Variants in MYT1L observed in about 807,000 individuals in gnomAD.
MYT1L encodes myelin transcription factor 1 like, also known as myelin transcription factor 1-like protein.
MYT1L carries 12 observed loss-of-function variants against 126.7 expected under a neutral mutation model. That is an observed-to-expected ratio of 0.09 (90% CI 0.06 to 0.15). MYT1L has a LOEUF of 0.15. MYT1L is among the 10% of genes least tolerant of loss of function. The pLI, the probability that MYT1L is intolerant of heterozygous loss-of-function variation, is 1.00. For missense variants in MYT1L, 979 were observed against 1,585.2 expected, an observed-to-expected ratio of 0.62 and a Z score of 6.49; for synonymous variants, 541 against 604.2, an observed-to-expected ratio of 0.90 and a Z score of 1.53.
rs145084815 is a variant in MYT1L at position 2,301,414 on chromosome 2, C to T, written c.-520-16911G>A. ...CATCACTTTATTAGAAAGCATTCAA[C>T]TCACCTTTTTCAGCCTTATTATGTG... On this transcript the variant is annotated intron_variant, in intron 1 of 24. Transcript: ENST00000647738. 2.9e-3 allele frequency among the ~76,000 whole-genome samples: 437 copies of T among 152,300 alleles called. 4 individuals carry two copies. Among genetic ancestry groups the T allele is most frequent in the Middle Eastern group, 0.027 (8 of 294 alleles).
intron 8 of MYT1L, among the ~76,000 whole-genome samples, chr2:1,965,257 C>A (rs943372386): frequency 2.8e-5 from 4 of 144,878 alleles, no homozygotes; most frequent in Non-Finnish European, 6.0e-5. Flanking sequence ...AGGGACCAGG[C>A]AGGGAAGAGG....
rs553083381 is a variant in MYT1L, at chr2:1,922,497, G to A, written c.1272C>T (p.Phe424=). The change falls in exon 10 of 25, where the codon TTC becomes TTT. Residue 424 remains phenylalanine (F), a synonymous_variant. Coordinates refer to ENST00000647738, the MANE Select transcript of MYT1L (RefSeq NM_001303052.2). The surrounding 1 kb of genome is among the most constrained non-coding windows in gnomAD (Gnocchi z 7.4). ...GGGTCAGGTTCCCCTTGGTCATGTC[G>A]AACACCTCTTCAGACCTGTCCGAGT... ...SVNSDRSEEV[F]DMTKGNLTLL... is the part of the protein sequence containing the mutation. 7 of 1,613,678 alleles carry A rather than the reference G, an allele frequency of 4.3e-6. No individual in the cohort carries two copies. The highest frequency in any genetic ancestry group is 2.2e-5 in the South Asian group (2 of 91,060).
chr2:2,122,872 T>TGTGTGTGTGTGTGTGAGAGA (rs553951630), intron 3 of MYT1L, among the ~76,000 whole-genome samples: 69 of 133,068 alleles, frequency 5.2e-4, no homozygotes, highest in African/African-American at 7.1e-4. Flanking sequence ...TGTGTGTGTG[T>TGTGTGTGTGTGTGTGAGAGA]GAGAGAGAGA....
intron 4 of MYT1L, among the ~76,000 whole-genome samples, chr2:2,051,984 T>C (rs1212265641): frequency 1.3e-5 from 2 of 152,104 alleles, no homozygotes; most frequent in Admixed American, 6.6e-5. Flanking sequence ...GATCCCCAAA[T>C]AGCCAAAACT....
intron 2 of MYT1L, among the ~76,000 whole-genome samples, chr2:2,265,999 T>C (rs551001084): frequency 6.6e-6 from 1 of 152,206 alleles, no homozygotes; most frequent in East Asian, 1.9e-4. Context: ...AGAAACAGAA[T>C]AGCTCCGGGT....
chr2:1,812,037 C>T (rs947792461), intron 21 of MYT1L, among the ~76,000 whole-genome samples: 9 of 152,216 alleles, frequency 5.9e-5, no homozygotes, highest in African/African-American at 2.2e-4. Context: ...TGGATGTTAA[C>T]GCCACTTTTC....
At chr2:2,221,757 C>T (rs1005416359) in intron 2 of MYT1L, among the ~76,000 whole-genome samples, 2 of 152,206 alleles carry the variant, frequency 1.3e-5, no homozygotes, top group East Asian at 3.9e-4. Context: ...ATGAAAACAA[C>T]AAACCAACCT....
chr2:1,876,221 G>A (rs184007452), intron 18 of MYT1L, among the ~76,000 whole-genome samples: 3 of 152,256 alleles, frequency 2.0e-5, no homozygotes, highest in East Asian at 1.9e-4. Flanking sequence ...CCAGAAAATC[G>A]GATTCTGTGG....
chr2:2,166,436 C>T (rs2089129039), intron 3 of MYT1L, among the ~76,000 whole-genome samples: 1 of 152,204 alleles, frequency 6.6e-6, no homozygotes, highest in Non-Finnish European at 1.5e-5. Context: ...ACATGCATAA[C>T]TGTGTATTAT....
chr2:2,167,527 T>C (rs1181735117), intron 3 of MYT1L, among the ~76,000 whole-genome samples: 2 of 152,192 alleles, frequency 1.3e-5, no homozygotes, highest in Non-Finnish European at 2.9e-5. Flanking sequence ...GTCTCCTCTT[T>C]GCTTAAACTC....
chr2:2,076,111 A>G (rs2075196615), intron 3 of MYT1L, among the ~76,000 whole-genome samples: 1 of 152,222 alleles, frequency 6.6e-6, no homozygotes, highest in Non-Finnish European at 1.5e-5. Flanking sequence ...CAGCTGCCCA[A>G]GGCTGTGGTT....
intron 2 of MYT1L, among the ~76,000 whole-genome samples, chr2:2,238,922 AGGGT>A (rs1406330575): frequency 2.6e-5 from 4 of 152,140 alleles, no homozygotes; most frequent in African/African-American, 9.7e-5. Flanking sequence ...AGCAGGTGCC[AGGGT>A]GGGTGGGGCA....
At chr2:1,932,115 G>C (rs998708158) in intron 9 of MYT1L, among the ~76,000 whole-genome samples, 1 of 152,192 alleles carries the variant, frequency 6.6e-6, no homozygotes, top group African/African-American at 2.4e-5. Flanking sequence ...GCCTTAGAGA[G>C]GCACTGGCTC....
At chr2:2,315,370 T>C (rs1282155993) in intron 1 of MYT1L, among the ~76,000 whole-genome samples, 1 of 152,162 alleles carries the variant, frequency 6.6e-6, no homozygotes, top group Non-Finnish European at 1.5e-5. Flanking sequence ...ATCAATATAT[T>C]CTCTGTCTAT....
intron 21 of MYT1L, chr2:1,828,550 C>T (rs951748025): frequency 1.3e-5 from 2 of 152,204 alleles, no homozygotes; most frequent in East Asian, 3.8e-4. Flanking sequence ...GTTGCCTGTC[C>T]AGCACTGTGA....
At chr2:1,956,302 A>G (rs2058379932) in intron 8 of MYT1L, among the ~76,000 whole-genome samples, 1 of 136,016 alleles carries the variant, frequency 7.4e-6, no homozygotes, top group Non-Finnish European at 1.6e-5. Flanking sequence ...TATCTATCCT[A>G]TTCTATATTT....
intron 10 of MYT1L, among the ~76,000 whole-genome samples, chr2:1,919,669 T>C (rs977718818): frequency 6.6e-6 from 1 of 152,230 alleles, no homozygotes; most frequent in Non-Finnish European, 1.5e-5. Flanking sequence ...TTGCAGGAAT[T>C]CTCTGTTGGC....
At chr2:1,799,825 A>G (rs2034494535) in intron 23 of MYT1L, among the ~76,000 whole-genome samples, 1 of 152,190 alleles carries the variant, frequency 6.6e-6, no homozygotes, top group Non-Finnish European at 1.5e-5. Context: ...TAATTAAATC[A>G]TGGGGGCGTT....
intron 2 of MYT1L, among the ~76,000 whole-genome samples, chr2:2,179,702 T>C (rs546073155): frequency 7.7e-4 from 117 of 152,344 alleles, no homozygotes; most frequent in African/African-American, 2.7e-3. Context: ...GCACGCACTG[T>C]AGCCTGGTTC....
Sources: gnomAD v4.1 joint callset for allele counts (sites outside exome capture counted in the v4.1 genomes callset) on GRCh38, gnomAD v4.1.1 for gene constraint, Gnocchi (gnomAD v3.1) non-coding constraint, MANE v1.5 for transcripts, NCBI Gene and HGNC (gene_info 2026-07-23, HGNC 2026-07-21) for gene names.